Variants in CEP290 observed in about 807,000 individuals in gnomAD.
CEP290 encodes the protein centrosomal protein 290.
A neutral mutation model predicts 344.9 loss-of-function variants in CEP290; 317 were observed. The observed-to-expected ratio is 0.92, with a 90% CI of 0.84 to 1.01. The LOEUF is 1.01. CEP290 is among the 50% of genes least tolerant of loss of function. CEP290 has a pLI of 0.00. For missense variants in CEP290, 2,754 were observed against 2,761.4 expected (o/e 1.00, Z 0.06); for synonymous variants, 932 against 895.8 (o/e 1.04, Z -0.72).
At chr12:88,075,812 CCT>C (rs751132218) in intron 41 of CEP290, among the ~76,000 whole-genome samples, 54 of 152,084 alleles carry the variant, frequency 3.6e-4, no homozygotes, top group Non-Finnish European at 6.9e-4. Context: ...GGCATAGACC[CCT>C]GTTTTCTCTT....
At chr12:88,137,474 G>T (rs2040409720) in intron 5 of CEP290, among the ~76,000 whole-genome samples, 1 of 152,078 alleles carries the variant, frequency 6.6e-6, no homozygotes, top group Admixed American at 6.6e-5. Context: ...TCAGGTCATG[G>T]CCAAGAACAT....
rs921532268 is a variant in CEP290 at position 88,138,664 on chromosome 12, C to T, written c.297+481G>A. On this transcript the variant is annotated intron_variant, in intron 5 of 53. Transcript: ENST00000552810. ...CCTCTATACACATCCACTCTTCCCA[C>T]GCTCATCCACTCATCCTCCTCTCCT... Among the ~76,000 whole-genome samples, 120 of 152,312 alleles carry T rather than the reference C, an allele frequency of 7.9e-4. 1 individual carries two copies. The highest frequency in any genetic ancestry group is 2.7e-3 in the African/African-American group (113 of 41,560).
In CEP290 at chr12:88,130,715, C is replaced by T. The variant is rs796238897; in HGVS notation, c.496-150G>A. 28 of 541,212 alleles carry T rather than the reference C, an allele frequency of 5.2e-5. No individual in the cohort carries two copies. In the African/African-American group the frequency reaches 5.5e-4, roughly 11 times the overall value. 33.5% of individuals were successfully genotyped at this position (541,212 alleles called of 1,614,324 possible). On this transcript the variant is annotated intron_variant, in intron 7 of 53. Coordinates refer to ENST00000552810, the MANE Select transcript of CEP290 (RefSeq NM_025114.4). ...CCAAAGAAAGAATACTAATTATCTA[C>T]CAAAACAAATAATATTTCAATTATG...
chr12:88,126,290 T>C (rs553356946), intron 12 of CEP290, 26 bp downstream of exon 12: 1 of 1,429,464 alleles, frequency 7.0e-7, no homozygotes, highest in Admixed American at 3.5e-5. Flanking sequence ...AACTGGTTGA[T>C]AAACAAAATT....
In CEP290 at chr12:88,131,241, T is replaced by A. The variant is rs527280923; in HGVS notation, c.442-23A>T. Reference sequence around the variant, plus strand: ...CAACTAAAATAGTAAAAAAAAAAAATAAATAAGAAGAAGATAAAATTCAGC... The same window carrying A: ...CAACTAAAATAGTAAAAAAAAAAAAAAAATAAGAAGAAGATAAAATTCAGC... On this transcript the variant is annotated intron_variant, in intron 6 of 53. Coordinates refer to ENST00000552810, the MANE Select transcript of CEP290 (RefSeq NM_025114.4). The A allele has an allele frequency of 1.3e-4, 183 of 1,408,596 alleles. No homozygotes were observed. In the South Asian group the frequency reaches 2.4e-3, roughly 19 times the overall value. 87.3% of individuals were successfully genotyped at this position (1,408,596 alleles called of 1,614,324 possible). A position where few individuals can be genotyped will look rare whatever the true frequency, so the allele number is the denominator to read the frequency against.
chr12:88,113,883 G>GA (rs568647025), intron 20 of CEP290, among the ~76,000 whole-genome samples: 2 of 151,400 alleles, frequency 1.3e-5, no homozygotes, highest in African/African-American at 4.8e-5. Context: ...AAAAATGAAT[G>GA]AAAAAAAACT....
At position 88,121,142 on chromosome 12, in the gene CEP290, G is replaced by C; in HGVS notation, c.1214C>G (p.Thr405Ser). 6.2e-7 allele frequency: 1 copy of C among 1,612,838 alleles called. No homozygotes were observed. The highest frequency in any genetic ancestry group is 8.5e-7 in the Non-Finnish European group (1 of 1,179,468). Reference protein sequence around the residue: ...NKGASTLSQQTHMKIQSTLDI... With the variant: ...NKGASTLSQQSHMKIQSTLDI... The stretch of plus-strand genomic sequence containing the variant: ...TAACGTTGACTGAATTTTCATATGA[G>C]TCTGTTGAGAAAGGGTTGAAGCACC... The change falls in exon 14 of 54, where the codon ACT becomes AGT. Residue 405 changes from threonine (T) to serine (S), a missense_variant. Transcript: ENST00000552810.
intron 23 of CEP290, 76 bp downstream of exon 23, chr12:88,108,989 TA>T: frequency 1.9e-6 from 1 of 538,252 alleles, no homozygotes; most frequent in South Asian, 3.3e-5. Context: ...GAACAAAACA[TA>T]AATTATTCTT....
intron 23 of CEP290, among the ~76,000 whole-genome samples, chr12:88,108,529 T>A (rs568418268): frequency 1.3e-5 from 2 of 152,166 alleles, no homozygotes; most frequent in African/African-American, 4.8e-5. Flanking sequence ...TGATTAGGTA[T>A]TCTAATTCCT....
rs746930447 is a variant in CEP290 at position 88,049,179 on chromosome 12, G to C, written c.*5C>G. 1.7e-5 allele frequency: 26 copies of C among 1,532,716 alleles called. No individual in the cohort carries two copies. Among genetic ancestry groups the C allele is most frequent in the Non-Finnish European group, 2.3e-5 (26 of 1,124,824 alleles). 94.9% of individuals were successfully genotyped at this position (1,532,716 alleles called of 1,614,324 possible). On this transcript the variant is annotated 3_prime_UTR_variant, in exon 54 of 54. Coordinates refer to ENST00000552810, the MANE Select transcript of CEP290 (RefSeq NM_025114.4). ...GTTAAATGAAACAAAGTTTATAGGT[G>C]ACCTTTAGTAAATGGGGAAATTAAC...
chr12:88,125,370 C>A lies in CEP290; in HGVS notation c.1066-1G>T. On this transcript the variant is annotated splice_acceptor_variant, in intron 12 of 53. Coordinates refer to ENST00000552810, the MANE Select transcript of CEP290 (RefSeq NM_025114.4). LOFTEE classifies it high-confidence loss of function. ...TTTGACTGTCTCGTTCCTGTATACCCTATAAAATATTTTAAAACAATATAT... is the reference window on the plus strand; with the variant it reads ...TTTGACTGTCTCGTTCCTGTATACCATATAAAATATTTTAAAACAATATAT... 1.6e-6 allele frequency: 2 copies of A among 1,270,722 alleles called. No homozygotes were observed. The highest frequency in any genetic ancestry group is 2.7e-5 in the South Asian group (1 of 37,574). 78.7% of individuals were successfully genotyped at this position (1,270,722 alleles called of 1,614,324 possible). A position where few individuals can be genotyped will look rare whatever the true frequency, so the allele number is the denominator to read the frequency against.
At chr12:88,094,714 C>G (rs1169212889) in intron 27 of CEP290, among the ~76,000 whole-genome samples, 1 of 151,716 alleles carries the variant, frequency 6.6e-6, no homozygotes, top group African/African-American at 2.4e-5. Context: ...TAAACATGGT[C>G]TAGAAAAAAA....
At position 88,130,525 on chromosome 12, in the gene CEP290, C is replaced by T. The variant is rs749662606; in HGVS notation, c.516+20G>A. ...AACATATTTTAAATTCCCAAGATTT[C>T]ACCACACTTAAAGCCTCACCTTTTT... On this transcript the variant is annotated intron_variant, in intron 8 of 53. Transcript: ENST00000552810. 1.3e-6 allele frequency: 2 copies of T among 1,594,678 alleles called. No homozygotes were observed. The highest frequency in any genetic ancestry group is 1.2e-5 in the South Asian group (1 of 86,504).
In CEP290 at chr12:88,090,802, C is replaced by T. The variant is rs764868103; in HGVS notation, c.3499G>A (p.Glu1167Lys). The T allele has an allele frequency of 1.9e-6, 3 of 1,560,572 alleles. No homozygotes were observed. In the South Asian group the frequency reaches 3.5e-5, roughly 18 times the overall value. ...GATTGTTGTTGTGCATTCAAAATTT[C>T]AACTTGTCTTCTGGCAATATCAGAA... ...EISDIARRQV[E>K]ILNAQQQSRD... The change falls in exon 30 of 54, where the codon GAA becomes AAA. Residue 1167 changes from glutamate (E) to lysine (K), a missense_variant. Transcript: ENST00000552810.
chr12:88,064,849 G>C (rs1197950016), intron 44 of CEP290, among the ~76,000 whole-genome samples: 3 of 152,178 alleles, frequency 2.0e-5, no homozygotes, highest in African/African-American at 7.2e-5. Flanking sequence ...ATCTGTAGTA[G>C]TCTGTTACAG....
At chr12:88,140,185 T>C (rs2040565688) in intron 3 of CEP290, among the ~76,000 whole-genome samples, 1 of 152,194 alleles carries the variant, frequency 6.6e-6, no homozygotes, top group Non-Finnish European at 1.5e-5. Flanking sequence ...GTCTTTCCAC[T>C]ACTTTTTTTC....
At chr12:88,060,100 C>T (rs936228027) in intron 47 of CEP290, 80 bp from the exon 48 acceptor site, 1 of 1,209,070 alleles carries the variant, frequency 8.3e-7, no homozygotes, top group African/African-American at 1.6e-5. Context: ...ACTCATAAAT[C>T]TTCAAAGTAG....
intron 48 of CEP290, 66 bp from the exon 49 acceptor site, chr12:88,059,086 T>C: frequency 1.5e-6 from 2 of 1,292,052 alleles, no homozygotes; most frequent in East Asian, 4.9e-5. Context: ...ATTCAGTGTA[T>C]TCAAAATTAT....
At chr12:88,124,641 G>A (rs143576055) in intron 13 of CEP290, among the ~76,000 whole-genome samples, 61 of 152,112 alleles carry the variant, frequency 4.0e-4, no homozygotes, top group Admixed American at 2.0e-3. Context: ...GTGTATAAAT[G>A]TAGTGTATAC....
Sources: gnomAD v4.1 joint callset for allele counts (sites outside exome capture counted in the v4.1 genomes callset) on GRCh38, gnomAD v4.1.1 for gene constraint, MANE v1.5 for transcripts, NCBI Gene and HGNC (gene_info 2026-07-23, HGNC 2026-07-21) for gene names.